The following TRDMT1 variants were observed in gnomAD, a reference collection of about 807,000 sequenced individuals.
The protein encoded by TRDMT1 is tRNA aspartic acid methyltransferase 1, also known as tRNA (cytosine(38)-C(5))-methyltransferase.
A neutral mutation model predicts 51.2 loss-of-function variants in TRDMT1; 49 were observed. That is an observed-to-expected ratio of 0.96 (90% CI 0.76 to 1.21). The LOEUF (loss-of-function observed/expected upper bound fraction) is 1.21. Ranked by LOEUF, TRDMT1 falls within the 50% of genes most tolerant of loss-of-function variation. The pLI is 0.00. For missense variants in TRDMT1, 534 were observed against 462.3 expected (o/e 1.16, Z -1.42); for synonymous variants, 187 against 164.6 (o/e 1.14, Z -1.04).
At chr10:17,201,249 G>C (rs1846117370) in intron 1 of TRDMT1, 1 of 296,798 alleles carries the variant, frequency 3.4e-6, no homozygotes, top group Non-Finnish European at 6.3e-6. Context: ...ATGGGGGCTT[G>C]GCACCAGGCG....
At chr10:17,185,396 C>T (rs1217368131) in intron 1 of TRDMT1, among the ~76,000 whole-genome samples, 1 of 149,904 alleles carries the variant, frequency 6.7e-6, no homozygotes, top group South Asian at 2.1e-4. Flanking sequence ...GTTAGAATGG[C>T]GATCATTAAA....
chr10:17,173,641 C>T (rs184067885), intron 2 of TRDMT1, among the ~76,000 whole-genome samples: 8 of 152,028 alleles, frequency 5.3e-5, no homozygotes, highest in East Asian at 1.9e-4. Flanking sequence ...ATGATTGAGT[C>T]GAAACTCAAA....
chr10:17,155,092 G>A (rs1839315909), intron 8 of TRDMT1, among the ~76,000 whole-genome samples: 1 of 151,996 alleles, frequency 6.6e-6, no homozygotes, highest in Non-Finnish European at 1.5e-5. Flanking sequence ...AGGCGTGGTG[G>A]TGCGTGCCTA....
chr10:17,151,322 G>T, intron 10 of TRDMT1: 5 of 985,330 alleles, frequency 5.1e-6, no homozygotes, highest in Non-Finnish European at 6.0e-6. Context: ...GGATGAACAA[G>T]GTCAAGATAT....
At chr10:17,178,657 C>G (rs1264518314) in intron 1 of TRDMT1, among the ~76,000 whole-genome samples, 1 of 128,078 alleles carries the variant, frequency 7.8e-6, no homozygotes, top group African/African-American at 3.1e-5. Flanking sequence ...GCCTAGATGA[C>G]AGAATGAGAC....
chr10:17,174,133 G>A (rs866932741), intron 2 of TRDMT1, among the ~76,000 whole-genome samples: 3 of 152,198 alleles, frequency 2.0e-5, no homozygotes, highest in Non-Finnish European at 4.4e-5. Context: ...GTCACCACAG[G>A]TGAAAAAGGT....
chr10:17,175,364 T>C (rs1321044775), intron 1 of TRDMT1, among the ~76,000 whole-genome samples: 2 of 152,164 alleles, frequency 1.3e-5, no homozygotes. Context: ...ATTTTCAAAA[T>C]GTTTTCAGAT....
chr10:17,171,122 T>TGTGC (rs1477372967), intron 2 of TRDMT1, among the ~76,000 whole-genome samples: 3 of 151,608 alleles, frequency 2.0e-5, no homozygotes, highest in Non-Finnish European at 2.9e-5. Flanking sequence ...TGTGTGTGTG[T>TGTGC]GTGTGTGTGT....
At chr10:17,155,738 A>G (rs559346817) in intron 8 of TRDMT1, among the ~76,000 whole-genome samples, 3 of 152,338 alleles carry the variant, frequency 2.0e-5, no homozygotes, top group Admixed American at 6.5e-5. Context: ...GTTTAAAATA[A>G]GAATTAGAGG....
chr10:17,196,297 A>C (rs956575858), intron 1 of TRDMT1, among the ~76,000 whole-genome samples: 6 of 152,272 alleles, frequency 3.9e-5, no homozygotes, highest in African/African-American at 1.4e-4. Flanking sequence ...TTTGGCAGAC[A>C]GGCCTTTTTG....
In TRDMT1 at chr10:17,146,986, T is replaced by C. The variant is rs574238936; in HGVS notation, c.*2054A>G. ...GAATACATTCCCATAATTTAAGAAT[T>C]CCACTAAGCTACATTCTGTCTACCA... is the stretch of plus-strand genomic sequence containing the variant. On this transcript the variant is annotated 3_prime_UTR_variant, in exon 11 of 11. Coordinates refer to ENST00000377799, the MANE Select transcript of TRDMT1 (RefSeq NM_004412.7). The C allele has an allele frequency of 3.0e-6, 3 of 985,490 alleles. No individual in the cohort carries two copies. Among genetic ancestry groups the C allele is most frequent in the South Asian group, 9.4e-5 (2 of 21,284 alleles). The allele number at this position is 985,490 out of a possible 1,614,324, so 61.0% of individuals were successfully genotyped here. A position where few individuals can be genotyped will look rare whatever the true frequency, so the allele number is the denominator to read the frequency against.
intron 7 of TRDMT1, among the ~76,000 whole-genome samples, chr10:17,158,196 A>G (rs1048492767): frequency 1.3e-5 from 2 of 152,180 alleles, no homozygotes; most frequent in Non-Finnish European, 2.9e-5. Context: ...AAACATAGCT[A>G]TGATCTAAAG....
rs973381075 is a variant in TRDMT1 at position 17,144,977 on chromosome 10, G to A, written c.*4063C>T. On this transcript the variant is annotated 3_prime_UTR_variant, in exon 11 of 11. Transcript: ENST00000377799. The stretch of plus-strand genomic sequence containing the variant: ...AACATGCAAAGGGAGGCTGGGCGTG[G>A]TGGCTCATGCCTGTAAAACCCAGCA... 7 of 985,356 alleles carry A rather than the reference G, an allele frequency of 7.1e-6. No homozygotes were observed. The highest frequency in any genetic ancestry group is 4.7e-5 in the South Asian group (1 of 21,290). The allele number at this position is 985,356 out of a possible 1,614,324, so 61.0% of individuals were successfully genotyped here. A position where few individuals can be genotyped will look rare whatever the true frequency, so the allele number is the denominator to read the frequency against.
At position 17,139,680 on chromosome 10, in the gene TRDMT1, C is replaced by T. The variant is rs988097731; in HGVS notation, c.*9360G>A. Among the ~76,000 whole-genome samples the T allele has an allele frequency of 3.9e-5, 6 of 152,046 alleles. No individual in the cohort carries two copies. Among genetic ancestry groups the T allele is most frequent in the African/African-American group, 9.7e-5 (4 of 41,392 alleles). ...AGCTTTGCATTACGGATGTGATTTA[C>T]GGTTAGAGGAGTGATTTAACAAGGC... On this transcript the variant is annotated 3_prime_UTR_variant, in exon 11 of 11. Coordinates refer to ENST00000377799, the MANE Select transcript of TRDMT1 (RefSeq NM_004412.7).
intron 1 of TRDMT1, among the ~76,000 whole-genome samples, chr10:17,197,599 C>A (rs1015931890): frequency 6.6e-5 from 10 of 152,102 alleles, no homozygotes; most frequent in Admixed American, 3.9e-4. Flanking sequence ...ATTTGCAAAT[C>A]ATATATCCAA....
chr10:17,152,183 G>T, intron 10 of TRDMT1: 1 of 927,588 alleles, frequency 1.1e-6, no homozygotes, highest in Non-Finnish European at 1.4e-6. Context: ...TCTTCTATTT[G>T]TTTTGTAATG....
intron 1 of TRDMT1, among the ~76,000 whole-genome samples, chr10:17,182,668 T>G (rs1427587716): frequency 6.6e-6 from 1 of 152,194 alleles, no homozygotes; most frequent in Non-Finnish European, 1.5e-5. Flanking sequence ...CACTTATTTC[T>G]ATATATGGAT....
At position 17,160,289 on chromosome 10, in the gene TRDMT1, T is replaced by A; in HGVS notation, c.459+16A>T. The A allele has an allele frequency of 6.8e-7, 1 of 1,461,322 alleles. No homozygotes were observed. The highest frequency in any genetic ancestry group is 9.1e-7 in the Non-Finnish European group (1 of 1,099,250). 90.5% of individuals were successfully genotyped at this position (1,461,322 alleles called of 1,614,324 possible). A position where few individuals can be genotyped will look rare whatever the true frequency, so the allele number is the denominator to read the frequency against. Reference sequence around the variant, plus strand: ...AAATTATAATTTATATAAGCATTTATAACTGTGATACCTACAGAGGTTGGA... The same window carrying A: ...AAATTATAATTTATATAAGCATTTAAAACTGTGATACCTACAGAGGTTGGA... On this transcript the variant is annotated intron_variant, in intron 6 of 10. Transcript: ENST00000377799.
chr10:17,165,026 G>C (rs1158611095), intron 3 of TRDMT1, among the ~76,000 whole-genome samples: 2 of 152,058 alleles, frequency 1.3e-5, no homozygotes, highest in Non-Finnish European at 2.9e-5. Context: ...CCAATTTAAA[G>C]TTCATATGGA....
Sources: allele counts gnomAD v4.1 joint callset (sites outside exome capture counted in the v4.1 genomes callset), GRCh38; gene constraint gnomAD v4.1.1; transcripts MANE v1.5; gene names NCBI Gene and HGNC (gene_info 2026-07-23, HGNC 2026-07-21).